KRT8: variants seen among roughly 807,000 people sequenced by gnomAD.
KRT8 encodes the protein keratin, type II cytoskeletal 8.
KRT8 carries 24 observed loss-of-function variants against 43.0 expected under a neutral mutation model. That is an observed-to-expected ratio of 0.56 (90% CI 0.40 to 0.78). The LOEUF (loss-of-function observed/expected upper bound fraction) is 0.78. Among genes scored for constraint, KRT8 ranks in the 30% least tolerant of loss-of-function variants. The pLI is 0.00. For missense variants in KRT8, 492 were observed against 638.4 expected, an observed-to-expected ratio of 0.77 and a Z score of 2.47; for synonymous variants, 214 against 261.2, an observed-to-expected ratio of 0.82 and a Z score of 1.74.
chr12:52,944,257 T>C (rs2172276), intron 2 of KRT8, among the ~76,000 whole-genome samples: 59,060 of 152,052 alleles, frequency 0.39, 11,817 homozygotes, highest in East Asian at 0.58. Flanking sequence ...TTGTGAAATA[T>C]TGAAATATTT....
At position 52,914,303 on chromosome 12, in the gene KRT8, G is replaced by A. The variant is rs192769810; in HGVS notation, c.-46-9276C>T. Among the ~76,000 whole-genome samples the A allele has an allele frequency of 2.6e-3, 393 of 151,300 alleles. No individual in the cohort carries two copies. In the Middle Eastern group the frequency reaches 0.031, roughly 12 times the overall value. On this transcript the variant is annotated intron_variant, in intron 2 of 6. Coordinates refer to the KRT8 transcript ENST00000546826. Reference sequence around the variant, plus strand: ...TGTAATCCCAGCACTTTGGGAGGCCGAGGCAGGCGGATCACCTGAGGTTGG... The same window carrying A: ...TGTAATCCCAGCACTTTGGGAGGCCAAGGCAGGCGGATCACCTGAGGTTGG...
At chr12:52,902,463 C>T (rs528035457) in intron 1 of KRT8, among the ~76,000 whole-genome samples, 6 of 152,242 alleles carry the variant, frequency 3.9e-5, no homozygotes, top group African/African-American at 9.6e-5. Context: ...CTGCAAGCTC[C>T]GCCTCCCAAG....
At chr12:52,914,407 C>T (rs1303630160) in intron 2 of KRT8, among the ~76,000 whole-genome samples, 1 of 150,490 alleles carries the variant, frequency 6.6e-6, no homozygotes, top group African/African-American at 2.5e-5. Context: ...TATGGTGGCG[C>T]ATGCCTGTAA....
intron 2 of KRT8, among the ~76,000 whole-genome samples, chr12:52,931,193 G>A (rs1942077273): frequency 6.6e-6 from 1 of 151,610 alleles, no homozygotes; most frequent in South Asian, 2.1e-4. Flanking sequence ...TCAGTCTCCC[G>A]AGTAGCTGGG....
At chr12:52,925,475 C>G (rs1320740521) in intron 2 of KRT8, among the ~76,000 whole-genome samples, 1 of 152,178 alleles carries the variant, frequency 6.6e-6, no homozygotes, top group African/African-American at 2.4e-5. Flanking sequence ...CAGAAACCTG[C>G]TCAACACCTC....
At chr12:52,918,091 GAAGAAGAGGAAGA>G (rs1941788494) in intron 2 of KRT8, among the ~76,000 whole-genome samples, 1 of 136,550 alleles carries the variant, frequency 7.3e-6, no homozygotes, top group African/African-American at 2.9e-5. Flanking sequence ...AGGAGGAGAA[GAAGAAGAGGAAGA>G]AGAAGAAGAA....
chr12:52,944,604 G>A (rs946045738), intron 2 of KRT8, among the ~76,000 whole-genome samples: 1 of 152,152 alleles, frequency 6.6e-6, no homozygotes, highest in Admixed American at 6.5e-5. Context: ...GGAGCTGAGG[G>A]GCTCCTAGAA....
intron 2 of KRT8, 54 bp downstream of exon 2, chr12:52,901,810 G>T: frequency 8.0e-7 from 1 of 1,249,922 alleles, no homozygotes; most frequent in Non-Finnish European, 1.2e-6. Context: ...AAGGTCCCAA[G>T]GGGTGGAGGA....
chr12:52,938,681 G>A (rs141335959), intron 2 of KRT8, among the ~76,000 whole-genome samples: 4,648 of 151,798 alleles, frequency 0.031, 253 homozygotes, highest in African/African-American at 0.11. Context: ...GCAGTGGTGC[G>A]ATCTCAGCTC....
At chr12:52,926,299 CT>C in intron 2 of KRT8, 1 of 904,994 alleles carries the variant, frequency 1.1e-6, no homozygotes, top group Non-Finnish European at 1.7e-6. Context: ...CATCTGGTGG[CT>C]GAGGCTTAGC....
At chr12:52,920,162 C>T (rs1941853802) in intron 2 of KRT8, among the ~76,000 whole-genome samples, 1 of 152,180 alleles carries the variant, frequency 6.6e-6, no homozygotes, top group Non-Finnish European at 1.5e-5. Flanking sequence ...ATGTCAATAA[C>T]TCAAAAGGGA....
chr12:52,942,871 T>A (rs1379865774), intron 2 of KRT8, among the ~76,000 whole-genome samples: 6 of 151,980 alleles, frequency 3.9e-5, no homozygotes, highest in African/African-American at 1.5e-4. Context: ...TGCCACGGTG[T>A]CCTCCTGCCT....
intron 3 of KRT8, 133 bp from the exon 4 acceptor site, chr12:52,900,816 C>T (rs1941350645): frequency 1.4e-6 from 1 of 699,784 alleles, no homozygotes; most frequent in African/African-American, 1.7e-5. Flanking sequence ...TCTTCCAGCC[C>T]AGCCTCTGCC....
chr12:52,941,381 G>A (rs552082951), intron 2 of KRT8, among the ~76,000 whole-genome samples: 1 of 152,196 alleles, frequency 6.6e-6, no homozygotes, highest in African/African-American at 2.4e-5. Flanking sequence ...TCTCAGAGGA[G>A]GGGATTCTGG....
chr12:52,940,019 G>A (rs1457229683), intron 2 of KRT8, among the ~76,000 whole-genome samples: 1 of 152,116 alleles, frequency 6.6e-6, no homozygotes, highest in East Asian at 1.9e-4. Context: ...ACAAATTATG[G>A]TAACTCTATG....
exon 1 of KRT8, chr12:52,949,738 G>C: frequency 1.3e-6 from 1 of 758,922 alleles, no homozygotes; most frequent in Non-Finnish European, 2.4e-6. Flanking sequence ...CGCGCACCTA[G>C]CCACAGGGTC....
intron 2 of KRT8, among the ~76,000 whole-genome samples, chr12:52,931,117 C>T (rs1398692399): frequency 1.3e-5 from 2 of 149,634 alleles, no homozygotes; most frequent in Non-Finnish European, 3.0e-5. Flanking sequence ...GCCCAGGCTG[C>T]AGTGCAGTGG....
rs1941351600 is a variant in KRT8, at chr12:52,900,861, C to T, written c.595-178G>A. 4 of 651,760 alleles carry T rather than the reference C, an allele frequency of 6.1e-6. No homozygotes were observed. In the South Asian group the frequency reaches 6.9e-5, roughly 11 times the overall value. The allele number at this position is 651,760 out of a possible 1,614,324, so 40.4% of individuals were successfully genotyped here. On this transcript the variant is annotated intron_variant, in intron 3 of 7. Transcript: ENST00000692008. ...TGCATTCTCAGCCCACACACCTTCA[C>T]CTCTGCTTCCTGCAACACACCCTCT... is the stretch of plus-strand genomic sequence containing the variant.
upstream of KRT8, among the ~76,000 whole-genome samples, chr12:52,908,592 G>A (rs1941570821): frequency 6.6e-6 from 1 of 152,130 alleles, no homozygotes; most frequent in Admixed American, 6.5e-5. Flanking sequence ...TATATGACAT[G>A]TGCACAACAG....
Sources: gnomAD v4.1 joint callset for allele counts (sites outside exome capture counted in the v4.1 genomes callset) on GRCh38, gnomAD v4.1.1 for gene constraint, MANE v1.5 for transcripts, NCBI Gene and HGNC (gene_info 2026-07-23, HGNC 2026-07-21) for gene names.